CNTN5: variants seen among roughly 807,000 people sequenced by gnomAD.
CNTN5 encodes the protein contactin 5.
In CNTN5, 77 loss-of-function variants were observed where a neutral mutation model predicts 129.1. The ratio of observed to expected loss-of-function variants is 0.60; its 90% CI spans 0.50 to 0.72. The LOEUF is 0.72. Among genes scored for constraint, CNTN5 ranks in the 30% least tolerant of loss-of-function variants. The pLI, the probability that CNTN5 is intolerant of heterozygous loss-of-function variation, is 0.00. For synonymous variants in CNTN5, 509 were observed against 465.6 expected (o/e 1.09, Z -1.20); for missense variants, 1,478 against 1,328.8 (o/e 1.11, Z -1.75).
At chr11:100,051,312 A>C (rs1942942473) in intron 9 of CNTN5, among the ~76,000 whole-genome samples, 1 of 152,114 alleles carries the variant, frequency 6.6e-6, no homozygotes, top group Non-Finnish European at 1.5e-5. Flanking sequence ...TAATTGCAAC[A>C]AAATTAAATT....
chr11:99,796,344 A>C (rs150405465), intron 3 of CNTN5, among the ~76,000 whole-genome samples: 1 of 151,956 alleles, frequency 6.6e-6, no homozygotes, highest in Non-Finnish European at 1.5e-5. Flanking sequence ...ATGTACATCC[A>C]TTGGGGAGGG....
chr11:99,714,195 C>G (rs374760035), intron 3 of CNTN5, among the ~76,000 whole-genome samples: 1 of 151,792 alleles, frequency 6.6e-6, no homozygotes, highest in Non-Finnish European at 1.5e-5. Flanking sequence ...ATTTCATTAA[C>G]ATTTATAGAA....
intron 2 of CNTN5, among the ~76,000 whole-genome samples, chr11:99,373,646 G>C (rs1455682353): frequency 6.7e-6 from 1 of 148,374 alleles, no homozygotes; most frequent in Non-Finnish European, 1.5e-5. Context: ...CTGGGAGGTG[G>C]AGGTTGTAGT....
chr11:99,935,286 T>C (rs1950290352), intron 7 of CNTN5, among the ~76,000 whole-genome samples: 1 of 151,864 alleles, frequency 6.6e-6, no homozygotes. Context: ...CCCCCAAGAA[T>C]GGTACGTAAC....
At chr11:100,009,221 C>T (rs1220982515) in intron 9 of CNTN5, among the ~76,000 whole-genome samples, 1 of 152,086 alleles carries the variant, frequency 6.6e-6, no homozygotes, top group Non-Finnish European at 1.5e-5. Context: ...CAGATGTTTT[C>T]TCTACAGGCT....
intron 3 of CNTN5, among the ~76,000 whole-genome samples, chr11:99,682,796 T>C (rs587435): frequency 0.97 from 147,851 of 151,982 alleles, 72,076 homozygotes; most frequent in East Asian, 1. Context: ...AAACCTAATA[T>C]GAGAGGAAGT....
chr11:99,499,371 A>G (rs975914159), intron 2 of CNTN5, among the ~76,000 whole-genome samples: 2 of 152,146 alleles, frequency 1.3e-5, no homozygotes, highest in Non-Finnish European at 2.9e-5. Flanking sequence ...AATAAGATTA[A>G]GGCCCTTAAG....
At chr11:99,913,821 A>C (rs1030133933) in intron 6 of CNTN5, among the ~76,000 whole-genome samples, 2 of 152,126 alleles carry the variant, frequency 1.3e-5, no homozygotes, top group Non-Finnish European at 2.9e-5. Flanking sequence ...ACTTGTAGTA[A>C]ATGGATTGAA....
intron 13 of CNTN5, among the ~76,000 whole-genome samples, chr11:100,157,308 TTTATATCA>T (rs1947280368): frequency 6.6e-6 from 1 of 151,920 alleles, no homozygotes; most frequent in African/African-American, 2.4e-5. Context: ...TGGTTGTAGT[TTTATATCA>T]TGATAAGAGC....
intron 2 of CNTN5, among the ~76,000 whole-genome samples, chr11:99,336,308 G>T (rs117438726): frequency 0.012 from 1,891 of 152,228 alleles, 31 homozygotes; most frequent in Non-Finnish European, 0.018. Context: ...ACTCTGAGTT[G>T]CTTGAATGGC....
intron 2 of CNTN5, among the ~76,000 whole-genome samples, chr11:99,459,112 A>C (rs538946988): frequency 7.9e-5 from 12 of 152,150 alleles, no homozygotes; most frequent in African/African-American, 2.4e-4. Context: ...GGCAATAAGG[A>C]AAATATATCC....
At chr11:99,155,283 AT>A (rs1267546248) in intron 1 of CNTN5, among the ~76,000 whole-genome samples, 1 of 152,190 alleles carries the variant, frequency 6.6e-6, no homozygotes, top group Non-Finnish European at 1.5e-5. Flanking sequence ...CATTTAAAAC[AT>A]TTTTAAAAAT....
intron 3 of CNTN5, among the ~76,000 whole-genome samples, chr11:99,806,957 C>T (rs1145389): frequency 0.25 from 37,466 of 151,764 alleles, 5,106 homozygotes; most frequent in Non-Finnish European, 0.32. Context: ...CAAAACACTA[C>T]GGTAAATGAA....
At chr11:99,705,968 C>T (rs1487058483) in intron 3 of CNTN5, among the ~76,000 whole-genome samples, 1 of 151,304 alleles carries the variant, frequency 6.6e-6, no homozygotes, top group East Asian at 1.9e-4. Context: ...GAACCATCAC[C>T]AGGGTGGAGA....
chr11:99,970,639 T>C (rs1951224384), intron 8 of CNTN5, among the ~76,000 whole-genome samples: 1 of 152,246 alleles, frequency 6.6e-6, no homozygotes, highest in African/African-American at 2.4e-5. Flanking sequence ...ACTTATCCTA[T>C]AATTCCCACA....
At chr11:100,042,531 G>A (rs574651862) in intron 9 of CNTN5, among the ~76,000 whole-genome samples, 1 of 152,232 alleles carries the variant, frequency 6.6e-6, no homozygotes, top group East Asian at 1.9e-4. Flanking sequence ...CAGTTGGGGA[G>A]TACTTTCTTT....
intron 13 of CNTN5, among the ~76,000 whole-genome samples, chr11:100,119,703 G>A (rs967421068): frequency 1.3e-5 from 2 of 151,710 alleles, no homozygotes; most frequent in Non-Finnish European, 2.9e-5. Flanking sequence ...AAAGAAAAAC[G>A]GAAAGCTAGA....
At chr11:99,913,635 A>G (rs1025902800) in intron 6 of CNTN5, among the ~76,000 whole-genome samples, 1 of 152,066 alleles carries the variant, frequency 6.6e-6, no homozygotes. Context: ...TTGGGATCTC[A>G]AAACACAATT....
rs139712498 is a variant in CNTN5 at position 99,932,748 on chromosome 11, G to GTGATGA, written c.673+16614_673+16619dup. Among the ~76,000 whole-genome samples, 3 of 151,960 alleles carry GTGATGA rather than the reference G, an allele frequency of 2.0e-5. No homozygotes were observed. The East Asian group carries it at 5.8e-4, about 29-fold the overall frequency. ...TTCTTGGTAAATACTCTATAACTTAGTGATGATGATGATGATGATGCCCTC... is the reference window on the plus strand; with the variant it reads ...TTCTTGGTAAATACTCTATAACTTAGTGATGATGATGATGATGATGATGATGCCCTC... On this transcript the variant is annotated intron_variant, in intron 7 of 24. Coordinates refer to ENST00000524871, the MANE Select transcript of CNTN5 (RefSeq NM_014361.4).
Sources: allele counts gnomAD v4.1 joint callset (sites outside exome capture counted in the v4.1 genomes callset), GRCh38; gene constraint gnomAD v4.1.1; transcripts MANE v1.5; gene names NCBI Gene and HGNC (gene_info 2026-07-23, HGNC 2026-07-21).